Variants in PCBP3 observed in about 807,000 individuals in gnomAD.
PCBP3 encodes poly(rC) binding protein 3.
PCBP3 carries 25 observed loss-of-function variants against 52.7 expected under a neutral mutation model. That is an observed-to-expected ratio of 0.47 (90% CI 0.35 to 0.66). The LOEUF (loss-of-function observed/expected upper bound fraction) is 0.66, where lower values mean the gene tolerates loss of function less well. PCBP3 is among the 30% of genes least tolerant of loss of function. The pLI is 0.01. For synonymous variants in PCBP3, 162 were observed against 183.0 expected, an observed-to-expected ratio of 0.89 and a Z score of 0.93; for missense variants, 391 against 490.3, an observed-to-expected ratio of 0.80 and a Z score of 1.91.
At chr21:45,877,776 C>T (rs1284263113) in intron 5 of PCBP3, among the ~76,000 whole-genome samples, 1 of 151,946 alleles carries the variant, frequency 6.6e-6, no homozygotes, top group Non-Finnish European at 1.5e-5. Context: ...ACCTGGGCAA[C>T]AGGAGTGAAA....
At chr21:45,667,415 A>G (rs1030016256) in intron 1 of PCBP3, among the ~76,000 whole-genome samples, 2 of 151,948 alleles carry the variant, frequency 1.3e-5, no homozygotes, top group African/African-American at 4.8e-5. Flanking sequence ...CAGTTGATCT[A>G]TCATCAAGCT....
chr21:45,830,407 C>T lies in PCBP3; in HGVS notation c.-125-19554C>T, dbSNP rs984677204. 1 of 152,896 alleles carries T rather than the reference C, an allele frequency of 6.5e-6. No homozygotes were observed. The highest frequency in any genetic ancestry group is 1.5e-5 in the Non-Finnish European group (1 of 68,156). 9.5% of individuals were successfully genotyped at this position (152,896 alleles called of 1,614,324 possible). A position where few individuals can be genotyped will look rare whatever the true frequency, so the allele number is the denominator to read the frequency against. The stretch of plus-strand genomic sequence containing the variant: ...GCCTTTCAGAGGCCTCTATAATGCG[C>T]CGAGCAGTTGTGTCACTGAACGTGA... On this transcript the variant is annotated intron_variant, in intron 4 of 17. Transcript: ENST00000681687. This position sits in a 1 kb window ranked among gnomAD's most constrained non-coding sequence, Gnocchi z 4.4.
Position 45,737,550 on chromosome 21 carries a change from G to T in PCBP3, c.-162+2121G>T, listed in dbSNP as rs539314425. The stretch of plus-strand genomic sequence containing the variant: ...TACAGTTCTGGAAATAAACCAGCGT[G>T]CTGGGGTGGGGCGAGCCCGACCATG... On this transcript the variant is annotated intron_variant, in intron 3 of 17. Transcript: ENST00000681687. This position sits in a 1 kb window ranked among gnomAD's most constrained non-coding sequence, Gnocchi z 4.9. Among the ~76,000 whole-genome samples, 16 of 152,322 alleles carry T rather than the reference G, an allele frequency of 1.1e-4. No homozygotes were observed. Among genetic ancestry groups the T allele is most frequent in the African/African-American group, 3.6e-4 (15 of 41,564 alleles).
chr21:45,729,964 A>T (rs569095161), intron 2 of PCBP3, among the ~76,000 whole-genome samples: 8 of 152,038 alleles, frequency 5.3e-5, no homozygotes, highest in South Asian at 4.2e-4. Context: ...AGGTCTTGCT[A>T]TGTTGCCCAG....
At chr21:45,706,543 C>T (rs1240179654) in intron 2 of PCBP3, among the ~76,000 whole-genome samples, 6 of 152,134 alleles carry the variant, frequency 3.9e-5, no homozygotes. Flanking sequence ...CTCTCTCCCT[C>T]TGTATAGCTC....
chr21:45,745,853 A>G (rs1459717882), intron 3 of PCBP3, among the ~76,000 whole-genome samples: 1 of 152,268 alleles, frequency 6.6e-6, no homozygotes, highest in African/African-American at 2.4e-5. Flanking sequence ...AGTGAGGCGC[A>G]CTTGCAAGAG....
At chr21:45,753,401 A>C (rs1481890624) in intron 3 of PCBP3, among the ~76,000 whole-genome samples, 1 of 151,772 alleles carries the variant, frequency 6.6e-6, no homozygotes, top group Admixed American at 6.6e-5. Flanking sequence ...TTTATCTAGT[A>C]TATATTTTTC....
At chr21:45,831,408 C>CAAAAAAAAAAAAA (rs59400163) in intron 4 of PCBP3, among the ~76,000 whole-genome samples, 1 of 86,582 alleles carries the variant, frequency 1.2e-5, no homozygotes, top group African/African-American at 4.2e-5. Context: ...GATGCTGTCT[C>CAAAAAAAAAAAAA]AAAAAAAAAA....
chr21:45,910,210 C>CCTGGCCCACCCACTGCCCAGATACGGA, intron 10 of PCBP3, among the ~76,000 whole-genome samples: 1 of 69,138 alleles, frequency 1.4e-5, no homozygotes, highest in Non-Finnish European at 3.0e-5. Flanking sequence ...CAGATACGGA[C>CCTGGCCCACCCACTGCCCAGATACGGA]CCCCCACCCA....
chr21:45,726,175 G>A lies in PCBP3; in HGVS notation c.-199-9217G>A, dbSNP rs1339181548. On this transcript the variant is annotated intron_variant, in intron 2 of 17. Coordinates refer to ENST00000681687, the MANE Select transcript of PCBP3 (RefSeq NM_001384156.1). ...GAGCAACTCAGGCAGGATGACGTGG[G>A]GAGGGTCAGGTCCAAGGTAGGAGGG... is the stretch of plus-strand genomic sequence containing the variant. Among the ~76,000 whole-genome samples the A allele has an allele frequency of 5.3e-5, 8 of 152,260 alleles. No individual in the cohort carries two copies. The East Asian group carries it at 5.8e-4, about 11-fold the overall frequency.
intron 1 of PCBP3, among the ~76,000 whole-genome samples, chr21:45,644,385 G>A (rs2079118918): frequency 6.6e-6 from 1 of 151,950 alleles, no homozygotes; most frequent in Admixed American, 6.6e-5. Context: ...CGCGGGCGGT[G>A]GGGCGCGCGC....
chr21:45,862,687 G>A (rs1167902392), intron 5 of PCBP3, among the ~76,000 whole-genome samples: 1 of 152,234 alleles, frequency 6.6e-6, no homozygotes, highest in Non-Finnish European at 1.5e-5. Flanking sequence ...TCTGTGCCTT[G>A]TCTGGCATCA....
At chr21:45,894,521 CA>C (rs2095771657) in intron 5 of PCBP3, among the ~76,000 whole-genome samples, 1 of 152,168 alleles carries the variant, frequency 6.6e-6, no homozygotes, top group African/African-American at 2.4e-5. Flanking sequence ...GGGGCCACGC[CA>C]TGCATTTGAA....
intron 5 of PCBP3, among the ~76,000 whole-genome samples, chr21:45,861,063 C>T (rs562151297): frequency 6.6e-6 from 1 of 152,308 alleles, no homozygotes; most frequent in South Asian, 2.1e-4. Flanking sequence ...CCCCAGTTCC[C>T]CTCCTGCCTC....
chr21:45,937,758 G>T (rs1457410239), intron 16 of PCBP3, among the ~76,000 whole-genome samples: 2 of 152,214 alleles, frequency 1.3e-5, no homozygotes, highest in African/African-American at 2.4e-5. Flanking sequence ...AGCCTAGAAG[G>T]CATCCTCCCC....
chr21:45,940,135 C>G lies in PCBP3; in HGVS notation c.1015C>G (p.Arg339Gly). The change falls in exon 17 of 18, where the codon CGT (arginine) becomes GGT (glycine). Residue 339 changes from arginine to glycine, a missense_variant. Arg to Gly is a moderately radical substitution (Grantham distance 125, BLOSUM62 -2). Coordinates refer to ENST00000681687, the MANE Select transcript of PCBP3 (RefSeq NM_001384156.1). Reference protein sequence around the residue: ...IANATEGSSERQITITGTPAN... With the variant: ...IANATEGSSEGQITITGTPAN... Reference sequence around the variant, plus strand: ...CAACGCCACGGAAGGGTCCTCAGAGCGTCAGATCACCATCACGGGGACCCC... The same window carrying G: ...CAACGCCACGGAAGGGTCCTCAGAGGGTCAGATCACCATCACGGGGACCCC... The G allele has an allele frequency of 6.2e-7, 1 of 1,614,130 alleles. No individual in the cohort carries two copies. Among genetic ancestry groups the G allele is most frequent in the Non-Finnish European group, 8.5e-7 (1 of 1,179,958 alleles).
At chr21:45,773,155 A>C (rs1012262699) in intron 4 of PCBP3, among the ~76,000 whole-genome samples, 1 of 152,066 alleles carries the variant, frequency 6.6e-6, no homozygotes, top group African/African-American at 2.4e-5. Flanking sequence ...CTTTGCCTAG[A>C]CCAATGTCCG....
At chr21:45,664,713 C>T (rs1293273551) in intron 1 of PCBP3, among the ~76,000 whole-genome samples, 1 of 149,694 alleles carries the variant, frequency 6.7e-6, no homozygotes, top group African/African-American at 2.5e-5. Context: ...TGCGCTGCAC[C>T]CACTAACTCG....
chr21:45,806,790 A>T (rs1444521632), intron 4 of PCBP3, among the ~76,000 whole-genome samples: 1 of 151,802 alleles, frequency 6.6e-6, no homozygotes, highest in Admixed American at 6.6e-5. Context: ...TCAGAATTCC[A>T]CTTCTGGTCC....
Sources: gnomAD v4.1 joint callset for allele counts (sites outside exome capture counted in the v4.1 genomes callset) on GRCh38, gnomAD v4.1.1 for gene constraint, Gnocchi (gnomAD v3.1) non-coding constraint, MANE v1.5 for transcripts, NCBI Gene and HGNC (gene_info 2026-07-23, HGNC 2026-07-21) for gene names.